The following DGKB variants were observed in gnomAD, a reference collection of about 807,000 sequenced individuals.
The protein encoded by DGKB is diacylglycerol kinase beta, also known as 90 kDa diacylglycerol kinase.
In DGKB, 67 loss-of-function variants were observed where a neutral mutation model predicts 114.3. The ratio of observed to expected loss-of-function variants is 0.59; its 90% confidence interval spans 0.48 to 0.72. DGKB has a LOEUF of 0.72. Among genes scored for constraint, DGKB ranks in the 30% least tolerant of loss-of-function variants. The pLI, the probability that DGKB is intolerant of heterozygous loss-of-function variation, is 0.00. For missense variants in DGKB, 907 were observed against 975.2 expected (o/e 0.93, Z 0.93); for synonymous variants, 398 against 323.1 (o/e 1.23, Z -2.49).
At chr7:14,696,112 T>A (rs1823830808) in intron 8 of DGKB, among the ~76,000 whole-genome samples, 1 of 152,164 alleles carries the variant, frequency 6.6e-6, no homozygotes, top group South Asian at 2.1e-4. Flanking sequence ...AGCATCCTGA[T>A]GTCCTTTTTC....
chr7:14,958,608 C>T (rs2115261582), intron 1 of DGKB, among the ~76,000 whole-genome samples: 1 of 152,186 alleles, frequency 6.6e-6, no homozygotes, highest in East Asian at 1.9e-4. Flanking sequence ...ATTTCCTTTT[C>T]TTAAAGTAAC....
chr7:14,358,863 C>A (rs1352899620), intron 21 of DGKB, among the ~76,000 whole-genome samples: 1 of 152,000 alleles, frequency 6.6e-6, no homozygotes, highest in Non-Finnish European at 1.5e-5. Flanking sequence ...TGAAAATGAC[C>A]ACACTGCCCA....
intron 23 of DGKB, among the ~76,000 whole-genome samples, chr7:14,210,154 C>G (rs993765128): frequency 6.6e-6 from 1 of 152,094 alleles, no homozygotes; most frequent in Non-Finnish European, 1.5e-5. Context: ...ATCTTGACTG[C>G]TAGCATCTGC....
intron 21 of DGKB, among the ~76,000 whole-genome samples, chr7:14,451,854 G>A (rs563965357): frequency 1.3e-5 from 2 of 151,948 alleles, no homozygotes; most frequent in Non-Finnish European, 2.9e-5. Context: ...AGTAAGAGTG[G>A]CCACTCAAAA....
chr7:14,313,638 C>T (rs6461089), intron 23 of DGKB, among the ~76,000 whole-genome samples: 7,965 of 151,282 alleles, frequency 0.053, 514 homozygotes, highest in African/African-American at 0.15. Flanking sequence ...CCTACGCCCA[C>T]GGAGTCTCGC....
intron 1 of DGKB, among the ~76,000 whole-genome samples, chr7:14,852,760 G>T (rs1368515781): frequency 6.6e-6 from 1 of 151,874 alleles, no homozygotes; most frequent in Non-Finnish European, 1.5e-5. Flanking sequence ...TCTGACCTGG[G>T]GCTTTTTCAA....
At chr7:14,955,208 T>C (rs977332141) in intron 1 of DGKB, among the ~76,000 whole-genome samples, 2 of 152,078 alleles carry the variant, frequency 1.3e-5, no homozygotes, top group African/African-American at 4.8e-5. Flanking sequence ...ACAAATCTAA[T>C]GAAAAATTTA....
At chr7:14,225,735 AT>A (rs1461641779) in intron 23 of DGKB, among the ~76,000 whole-genome samples, 4 of 151,882 alleles carry the variant, frequency 2.6e-5, no homozygotes, top group African/African-American at 9.7e-5. Flanking sequence ...TTTAAAAAAA[AT>A]AACAATTAGT....
At chr7:14,884,523 C>T (rs1054874774) in intron 1 of DGKB, among the ~76,000 whole-genome samples, 6 of 151,942 alleles carry the variant, frequency 3.9e-5, no homozygotes, top group African/African-American at 1.4e-4. Context: ...GCTTCCCAAA[C>T]ATGGAGATAA....
chr7:14,419,577 T>C (rs1826342328), intron 21 of DGKB, among the ~76,000 whole-genome samples: 1 of 151,806 alleles, frequency 6.6e-6, no homozygotes, highest in African/African-American at 2.4e-5. Context: ...AGCTTCCACA[T>C]TATCCTTAAA....
At chr7:14,444,207 A>G (rs1206224232) in intron 21 of DGKB, among the ~76,000 whole-genome samples, 1 of 151,916 alleles carries the variant, frequency 6.6e-6, no homozygotes, top group Admixed American at 6.6e-5. Flanking sequence ...CTACAACTGC[A>G]ACATTTTTAT....
intron 23 of DGKB, among the ~76,000 whole-genome samples, chr7:14,241,919 TAC>T (rs10629429): frequency 1.4e-4 from 21 of 150,876 alleles, no homozygotes; most frequent in Admixed American, 5.3e-4. Flanking sequence ...TCAAGATATA[TAC>T]ACACACACAC....
At chr7:14,268,012 A>C (rs1797754305) in intron 23 of DGKB, among the ~76,000 whole-genome samples, 2 of 152,310 alleles carry the variant, frequency 1.3e-5, no homozygotes, top group Admixed American at 1.3e-4. Context: ...TATTAAGTCT[A>C]TAATTCCATG....
intron 23 of DGKB, among the ~76,000 whole-genome samples, chr7:14,281,539 C>A (rs1029223914): frequency 1.2e-4 from 18 of 147,496 alleles, no homozygotes; most frequent in African/African-American, 4.5e-4. Flanking sequence ...AGTCTCCACC[C>A]CAAATCAACA....
intron 23 of DGKB, chr7:14,209,531 G>A: frequency 2.0e-6 from 1 of 502,688 alleles, no homozygotes; most frequent in East Asian, 5.8e-5. Context: ...GCAGTCTTCA[G>A]CTGCACAGAG....
chr7:14,794,691 C>T (rs577834817), intron 2 of DGKB, among the ~76,000 whole-genome samples: 4 of 152,228 alleles, frequency 2.6e-5, no homozygotes, highest in Non-Finnish European at 5.9e-5. Context: ...GTTGAGCTTT[C>T]GGTCTGGCAG....
At chr7:14,353,918 C>T (rs1813968556) in intron 21 of DGKB, among the ~76,000 whole-genome samples, 1 of 152,162 alleles carries the variant, frequency 6.6e-6, no homozygotes, top group Admixed American at 6.5e-5. Context: ...GTCATTTTCA[C>T]ACTTACATGC....
At chr7:14,764,811 C>A (rs562454199) in intron 2 of DGKB, among the ~76,000 whole-genome samples, 1 of 151,396 alleles carries the variant, frequency 6.6e-6, no homozygotes. Flanking sequence ...TTTACTCTCA[C>A]CTTAGGTCAC....
intron 20 of DGKB, among the ~76,000 whole-genome samples, chr7:14,546,580 G>A (rs902403953): frequency 2.0e-5 from 3 of 152,126 alleles, no homozygotes; most frequent in African/African-American, 7.2e-5. Flanking sequence ...GGAACTGGAA[G>A]GTAAGATTGT....
Sources: gnomAD v4.1 joint callset for allele counts (sites outside exome capture counted in the v4.1 genomes callset) on GRCh38, gnomAD v4.1.1 for gene constraint, MANE v1.5 for transcripts, NCBI Gene and HGNC (gene_info 2026-07-23, HGNC 2026-07-21) for gene names.